The following TBC1D16 variants were observed in gnomAD, a reference collection of about 807,000 sequenced individuals.
TBC1D16 encodes the protein TBC1 domain family member 16, also known as CTD-2529O21.1.
A neutral mutation model predicts 74.7 loss-of-function variants in TBC1D16; 58 were observed. That is an observed-to-expected ratio of 0.78 (90% CI 0.63 to 0.97). TBC1D16 has a LOEUF of 0.97. Ranked by LOEUF, TBC1D16 falls within the 50% of genes least tolerant of loss-of-function variation. The probability of loss-of-function intolerance (pLI) is 0.00; values close to 1 mark genes in which losing one functional copy is unlikely to be tolerated. For synonymous variants in TBC1D16, 493 were observed against 474.7 expected, an observed-to-expected ratio of 1.04 and a Z score of -0.50; for missense variants, 1,014 against 1,079.5, an observed-to-expected ratio of 0.94 and a Z score of 0.85.
At position 79,951,577 on chromosome 17, in the gene TBC1D16, C is replaced by A; in HGVS notation, c.962G>T (p.Gly321Val). The change falls in exon 5 of 12, where the codon GGC (glycine) becomes GTC (valine). Residue 321 changes from glycine (G) to valine (V), a missense_variant. By Grantham distance (109) the Gly-to-Val change is moderately radical (BLOSUM62 -3). Coordinates refer to ENST00000310924, the MANE Select transcript of TBC1D16 (RefSeq NM_019020.4). ...CTCTCGGCTGGCAACGACCAGCTGG[C>A]CGCTGGTGCAGGCCTCGTCGCTGAA... Reference protein sequence around the residue: ...LFFSDEACTSGQLVVASRESQ... With the variant: ...LFFSDEACTSVQLVVASRESQ... 6.2e-7 allele frequency: 1 copy of A among 1,613,850 alleles called. No homozygotes were observed. The highest frequency in any genetic ancestry group is 8.5e-7 in the Non-Finnish European group (1 of 1,179,908).
chr17:79,952,610 A>AAC, intron 4 of TBC1D16, 47 bp downstream of exon 4: 3 of 1,547,964 alleles, frequency 1.9e-6, no homozygotes, highest in Non-Finnish European at 2.6e-6. Flanking sequence ...TGCCAGGGAA[A>AAC]ACACACACAG....
rs947463579 is a variant in TBC1D16, at chr17:80,000,310, C to A, written c.779+9850G>T. Among the ~76,000 whole-genome samples the A allele has an allele frequency of 6.6e-6, 1 of 152,122 alleles. No homozygotes were observed. The highest frequency in any genetic ancestry group is 1.5e-5 in the Non-Finnish European group (1 of 68,014). ...ATGTCACCAAGCTAAGATGAGGTCACCCTAGATTTGAGTAGGCCCTATCTA... is the reference window on the plus strand; with the variant it reads ...ATGTCACCAAGCTAAGATGAGGTCAACCTAGATTTGAGTAGGCCCTATCTA... On this transcript the variant is annotated intron_variant, in intron 3 of 11. Coordinates refer to ENST00000310924, the MANE Select transcript of TBC1D16 (RefSeq NM_019020.4). The surrounding 1 kb of genome is among the most constrained non-coding windows in gnomAD (Gnocchi z 4.1).
chr17:79,973,646 C>T (rs908027953), intron 3 of TBC1D16, among the ~76,000 whole-genome samples: 4 of 151,190 alleles, frequency 2.6e-5, no homozygotes, highest in South Asian at 2.1e-4. Context: ...AGAGGCGGAG[C>T]TTGCAGTGAG....
In TBC1D16 at chr17:80,000,971, G is replaced by A. The variant is rs1039451608; in HGVS notation, c.779+9189C>T. ...GTTGCACACCAGAGGGCTGGGCACG[G>A]TGGCATCCCAGTCGAATTCTTTGGC... On this transcript the variant is annotated intron_variant, in intron 3 of 11. Transcript: ENST00000310924. The surrounding 1 kb of genome is among the most constrained non-coding windows in gnomAD (Gnocchi z 4.1). 2.6e-5 allele frequency among the ~76,000 whole-genome samples: 4 copies of A among 152,224 alleles called. No homozygotes were observed. Among genetic ancestry groups the A allele is most frequent in the Non-Finnish European group, 5.9e-5 (4 of 68,048 alleles).
chr17:80,013,748 TAGGCCACGTTCTCCATCTTGGCC>T, intron 1 of TBC1D16, 139 bp from the exon 2 acceptor site: 1 of 499,078 alleles, frequency 2.0e-6, no homozygotes, highest in Non-Finnish European at 3.4e-6. Context: ...CTGTACAGGG[TAGGCCACGTTCTCCATCTTGGCC>T]AGGCCACCCT....
chr17:79,960,819 G>GAAAAAAAAA (rs2033582366), intron 3 of TBC1D16, among the ~76,000 whole-genome samples: 1 of 74,368 alleles, frequency 1.3e-5, no homozygotes, highest in Non-Finnish European at 2.7e-5. Context: ...ACGAAGGAAT[G>GAAAAAAAAA]AAACTGACAC....
Position 79,979,895 on chromosome 17 carries a change from C to CT in TBC1D16, c.780-27078dup, listed in dbSNP as rs2034505389. 1.3e-5 allele frequency among the ~76,000 whole-genome samples: 2 copies of CT among 152,130 alleles called. No homozygotes were observed. The highest frequency in any genetic ancestry group is 2.9e-5 in the Non-Finnish European group (2 of 68,022). ...GGCTCTGGCTTCCAGGTGGTGGGCT[C>CT]TGCGGGCCAGAGCTTGGGGCGCAGG... On this transcript the variant is annotated intron_variant, in intron 3 of 11. Transcript: ENST00000310924. This position sits in a 1 kb window ranked among gnomAD's most constrained non-coding sequence, Gnocchi z 4.8.
At chr17:80,023,472 G>A (rs888230383) in intron 1 of TBC1D16, among the ~76,000 whole-genome samples, 2 of 150,004 alleles carry the variant, frequency 1.3e-5, no homozygotes, top group Non-Finnish European at 2.9e-5. Flanking sequence ...CCTTCCCTGC[G>A]GAGGCCCACA....
chr17:79,997,434 G>A (rs2035316596), intron 3 of TBC1D16, among the ~76,000 whole-genome samples: 1 of 152,052 alleles, frequency 6.6e-6, no homozygotes, highest in African/African-American at 2.4e-5. Context: ...AAATCACAGA[G>A]GTGGCTCACG....
rs866966269 is a variant in TBC1D16, at chr17:79,936,921, T to C, written c.*3938A>G. ...GTGTGTGCATGTGCGTGTGTGTGTG[T>C]GTGTGTGTGTGTGTGTGTGCGCATT... On this transcript the variant is annotated 3_prime_UTR_variant, in exon 12 of 12. Transcript: ENST00000310924. The C allele has an allele frequency of 3.0e-4, 41 of 134,836 alleles. No homozygotes were observed. The highest frequency in any genetic ancestry group is 3.9e-3 in the Middle Eastern group (1 of 258). 8.4% of individuals were successfully genotyped at this position (134,836 alleles called of 1,614,324 possible).
Position 79,980,702 on chromosome 17 carries a change from GC to G in TBC1D16, c.780-27885del, listed in dbSNP as rs1003919621. 1.3e-5 allele frequency among the ~76,000 whole-genome samples: 2 copies of G among 152,202 alleles called. No individual in the cohort carries two copies. Among genetic ancestry groups the G allele is most frequent in the Non-Finnish European group, 2.9e-5 (2 of 68,030 alleles). On this transcript the variant is annotated intron_variant, in intron 3 of 11. Coordinates refer to ENST00000310924, the MANE Select transcript of TBC1D16 (RefSeq NM_019020.4). The surrounding 1 kb of genome is among the most constrained non-coding windows in gnomAD (Gnocchi z 7.0). ...CCACATGGCTTGGTCCCGCCTTTCA[GC>G]CCCCCAGGGTTCACTCGAACCGCCT...
Position 79,951,431 on chromosome 17 carries a change from G to A in TBC1D16, c.1089+19C>T, listed in dbSNP as rs747742966. On this transcript the variant is annotated intron_variant, in intron 5 of 11. Coordinates refer to ENST00000310924, the MANE Select transcript of TBC1D16 (RefSeq NM_019020.4). ...GGAGTGTCAACCGCTGGGCATTCTG[G>A]GGCCGTCTGCTGGGCTACCTGGTCT... 1 of 1,610,690 alleles carries A rather than the reference G, an allele frequency of 6.2e-7. No individual in the cohort carries two copies. The highest frequency in any genetic ancestry group is 1.1e-5 in the South Asian group (1 of 90,938).
rs923729547 is a variant in TBC1D16 at position 79,990,185 on chromosome 17, C to T, written c.779+19975G>A. Among the ~76,000 whole-genome samples, 2 of 152,212 alleles carry T rather than the reference C, an allele frequency of 1.3e-5. No homozygotes were observed. Among genetic ancestry groups the T allele is most frequent in the Non-Finnish European group, 1.5e-5 (1 of 68,034 alleles). ...CGACTAGATTTGACTTTCAGCTGCT[C>T]GGACGGAGGCTTCAACTCAGCCTGA... On this transcript the variant is annotated intron_variant, in intron 3 of 11. Coordinates refer to ENST00000310924, the MANE Select transcript of TBC1D16 (RefSeq NM_019020.4). This position sits in a 1 kb window ranked among gnomAD's most constrained non-coding sequence, Gnocchi z 4.8.
At chr17:79,998,960 TA>T (rs1281347262) in intron 3 of TBC1D16, among the ~76,000 whole-genome samples, 1 of 152,104 alleles carries the variant, frequency 6.6e-6, no homozygotes, top group East Asian at 1.9e-4. Flanking sequence ...GTATCCTTAA[TA>T]AAACGTGAAT....
Position 79,960,677 on chromosome 17 carries a change from A to ACCCTGGAG in TBC1D16, c.780-7867_780-7860dup. Among the ~76,000 whole-genome samples, 3 of 150,060 alleles carry ACCCTGGAG rather than the reference A, an allele frequency of 2.0e-5. No individual in the cohort carries two copies. The Admixed American group carries it at 2.0e-4, about 10-fold the overall frequency. ...AGGCTGAGGCAGGAGAATCACTTGAACCCTGGAGGCGAGGTTGCAGTGAGC... is the reference window on the plus strand; with the variant it reads ...AGGCTGAGGCAGGAGAATCACTTGAACCCTGGAGCCCTGGAGGCGAGGTTGCAGTGAGC... On this transcript the variant is annotated intron_variant, in intron 3 of 11. Transcript: ENST00000310924.
In TBC1D16 at chr17:79,938,745, C is replaced by T. The variant is rs1046284695; in HGVS notation, c.*2114G>A. Reference sequence around the variant, plus strand: ...TGTCCCCCACCCCTTAATGCTGAGCCCAGCCACGTGACTTGCTGTGGCCAA... The same window carrying T: ...TGTCCCCCACCCCTTAATGCTGAGCTCAGCCACGTGACTTGCTGTGGCCAA... On this transcript the variant is annotated 3_prime_UTR_variant, in exon 12 of 12. Coordinates refer to ENST00000310924, the MANE Select transcript of TBC1D16 (RefSeq NM_019020.4). 1 of 152,340 alleles carries T rather than the reference C, an allele frequency of 6.6e-6. No homozygotes were observed. The highest frequency in any genetic ancestry group is 2.4e-5 in the African/African-American group (1 of 41,462). The allele number at this position is 152,340 out of a possible 1,614,324, so 9.4% of individuals were successfully genotyped here. A position where few individuals can be genotyped will look rare whatever the true frequency, so the allele number is the denominator to read the frequency against.
rs750246238 is a variant in TBC1D16 at position 79,952,756 on chromosome 17, G to A, written c.842C>T (p.Pro281Leu). The change falls in exon 4 of 12, where the codon CCA becomes CTA. Residue 281 changes from proline (P) to leucine (L), a missense_variant. Coordinates refer to ENST00000310924, the MANE Select transcript of TBC1D16 (RefSeq NM_019020.4). ...FPDSNGLLQT[P>L]RWDEPQRVCA... ...CACCCGCTGCGGCTCGTCCCAGCGTGGGGTCTGCAGGAGGCCGTTGCTGTC... is the reference window on the plus strand; with the variant it reads ...CACCCGCTGCGGCTCGTCCCAGCGTAGGGTCTGCAGGAGGCCGTTGCTGTC... 3.7e-5 allele frequency: 59 copies of A among 1,612,126 alleles called. No homozygotes were observed. The South Asian group carries it at 6.2e-4, about 17-fold the overall frequency.
chr17:79,942,294 G>A lies in TBC1D16; in HGVS notation c.1909-88C>T, dbSNP rs1442352426. On this transcript the variant is annotated intron_variant, in intron 10 of 11. Coordinates refer to ENST00000310924, the MANE Select transcript of TBC1D16 (RefSeq NM_019020.4). Reference sequence around the variant, plus strand: ...GGAAACTGAGTGCCAGGGTGCGAGTGAGGGCTCCAGGGCGAGGGGTCTGGG... The same window carrying A: ...GGAAACTGAGTGCCAGGGTGCGAGTAAGGGCTCCAGGGCGAGGGGTCTGGG... 9 of 1,403,366 alleles carry A rather than the reference G, an allele frequency of 6.4e-6. No individual in the cohort carries two copies. In the African/African-American group the frequency reaches 1.3e-4, roughly 20 times the overall value. 86.9% of individuals were successfully genotyped at this position (1,403,366 alleles called of 1,614,324 possible). A position where few individuals can be genotyped will look rare whatever the true frequency, so the allele number is the denominator to read the frequency against.
At position 80,010,813 on chromosome 17, in the gene TBC1D16, C is replaced by A; in HGVS notation, c.182-56G>T. ...AGGCCAGGAGGCTGTGGATGAGGCC[C>A]TTGTGGTACCTTTGGCGAGCTGCTC... is the stretch of plus-strand genomic sequence containing the variant. On this transcript the variant is annotated intron_variant, in intron 2 of 11. Transcript: ENST00000310924. This position sits in a 1 kb window ranked among gnomAD's most constrained non-coding sequence, Gnocchi z 8.8. The A allele has an allele frequency of 7.6e-7, 1 of 1,323,270 alleles. No individual in the cohort carries two copies. Among genetic ancestry groups the A allele is most frequent in the Non-Finnish European group, 1.0e-6 (1 of 998,730 alleles). 82.0% of individuals were successfully genotyped at this position (1,323,270 alleles called of 1,614,324 possible).
Sources: gnomAD v4.1 joint callset for allele counts (sites outside exome capture counted in the v4.1 genomes callset) on GRCh38, gnomAD v4.1.1 for gene constraint, Gnocchi (gnomAD v3.1) non-coding constraint, MANE v1.5 for transcripts, NCBI Gene and HGNC (gene_info 2026-07-23, HGNC 2026-07-21) for gene names.